The following KATNAL2 variants were observed in gnomAD, a reference collection of about 807,000 sequenced individuals.
KATNAL2 encodes katanin p60 ATPase-containing subunit A-like 2.
A neutral mutation model predicts 76.3 loss-of-function variants in KATNAL2; 52 were observed. The observed-to-expected ratio is 0.68, with a 90% confidence interval of 0.55 to 0.86. The LOEUF (loss-of-function observed/expected upper bound fraction) is 0.86. KATNAL2 is among the 40% of genes least tolerant of loss of function. The pLI is 0.00. For missense variants in KATNAL2, 660 were observed against 668.9 expected (o/e 0.99, Z 0.15); for synonymous variants, 243 against 244.2 (o/e 1.00, Z 0.05).
intron 1 of KATNAL2, among the ~76,000 whole-genome samples, chr18:46,918,795 T>C (rs2058306083): frequency 6.6e-6 from 1 of 152,148 alleles, no homozygotes; most frequent in Non-Finnish European, 1.5e-5. Flanking sequence ...TCTTTGTTCC[T>C]AACTCCTGTT....
chr18:47,034,739 C>A (rs144690057), intron 3 of KATNAL2: 1 of 1,612,928 alleles, frequency 6.2e-7, no homozygotes, highest in Admixed American at 1.7e-5. Context: ...CGGAGGGGAG[C>A]TGTGCGCGTT....
intron 3 of KATNAL2, chr18:47,035,363 G>T (rs1933990436): frequency 6.3e-7 from 1 of 1,580,270 alleles, no homozygotes; most frequent in East Asian, 2.3e-5. Context: ...TCGCTGCCCG[G>T]TCGCCAGGCA....
At chr18:47,068,249 A>G (rs1599742172) in intron 11 of KATNAL2, among the ~76,000 whole-genome samples, 1 of 152,158 alleles carries the variant, frequency 6.6e-6, no homozygotes, top group East Asian at 1.9e-4. Context: ...TGCTGTTAGG[A>G]TTATGAATTT....
chr18:46,920,118 C>G (rs779332840), intron 1 of KATNAL2: 2 of 1,288,448 alleles, frequency 1.6e-6, no homozygotes, highest in South Asian at 2.5e-5. Context: ...CAATGTGTAG[C>G]AGCTCCTGGA....
chr18:47,060,598 C>T, intron 8 of KATNAL2, among the ~76,000 whole-genome samples: 1 of 152,184 alleles, frequency 6.6e-6, no homozygotes, highest in Non-Finnish European at 1.5e-5. Flanking sequence ...TCATACTCTC[C>T]AAGGTTGTAG....
chr18:47,057,591 G>T (rs1569091018), intron 6 of KATNAL2, among the ~76,000 whole-genome samples: 1 of 152,110 alleles, frequency 6.6e-6, no homozygotes, highest in East Asian at 1.9e-4. Context: ...CTACTCTTCT[G>T]ACTTCCAGCC....
chr18:46,924,265 G>A (rs1237045303), intron 1 of KATNAL2, among the ~76,000 whole-genome samples: 1 of 152,100 alleles, frequency 6.6e-6, no homozygotes, highest in Non-Finnish European at 1.5e-5. Flanking sequence ...AGGTGTAAGG[G>A]AGGGATCCAG....
At chr18:47,094,619 T>C (rs1176569393) in intron 15 of KATNAL2, among the ~76,000 whole-genome samples, 2 of 152,318 alleles carry the variant, frequency 1.3e-5, no homozygotes, top group South Asian at 2.1e-4. Context: ...GCTCCATGTA[T>C]TGAGATTTGA....
Position 47,034,453 on chromosome 18 carries a change from G to A in KATNAL2, c.52-12004G>A, listed in dbSNP as rs777273636. 60 of 1,614,064 alleles carry A rather than the reference G, an allele frequency of 3.7e-5. 1 individual carries two copies. The highest frequency in any genetic ancestry group is 1.6e-4 in the Middle Eastern group (1 of 6,084). ...GAAGTCCGAAGGCTGCCTGTCCCTG[G>A]CACTTGCCCAGGAGGGCATCCTTGG... is the stretch of plus-strand genomic sequence containing the variant. On this transcript the variant is annotated intron_variant, in intron 3 of 17. Transcript: ENST00000683218.
chr18:46,929,721 A>G (rs1213309527), intron 1 of KATNAL2, among the ~76,000 whole-genome samples: 1 of 152,314 alleles, frequency 6.6e-6, no homozygotes, highest in East Asian at 1.9e-4. Flanking sequence ...CTCTAAAATA[A>G]ATATTTAAGA....
At chr18:47,074,507 G>A (rs2062122527) in intron 13 of KATNAL2, among the ~76,000 whole-genome samples, 1 of 152,118 alleles carries the variant, frequency 6.6e-6, no homozygotes, top group African/African-American at 2.4e-5. Flanking sequence ...GATTGTATAT[G>A]ATGCTCAAGA....
At chr18:47,086,434 A>G (rs1033093994) in intron 15 of KATNAL2, among the ~76,000 whole-genome samples, 5 of 151,616 alleles carry the variant, frequency 3.3e-5, no homozygotes, top group Admixed American at 1.3e-4. Flanking sequence ...CTCTTCCTCA[A>G]CCTCCCAAGT....
intron 1 of KATNAL2, among the ~76,000 whole-genome samples, chr18:46,922,895 TTAATA>T (rs1435779018): frequency 6.7e-5 from 10 of 148,172 alleles, no homozygotes; most frequent in East Asian, 5.8e-4. Flanking sequence ...TAATATCATA[TTAATA>T]TAATATATAT....
At chr18:47,090,078 G>A (rs559679646) in intron 15 of KATNAL2, among the ~76,000 whole-genome samples, 2 of 151,718 alleles carry the variant, frequency 1.3e-5, no homozygotes, top group Admixed American at 6.6e-5. Context: ...GATTACAGGC[G>A]TAAGCCACCA....
chr18:47,096,532 G>A, intron 15 of KATNAL2, among the ~76,000 whole-genome samples: 1 of 151,974 alleles, frequency 6.6e-6, no homozygotes, highest in East Asian at 1.9e-4. Flanking sequence ...CAGAGACGGG[G>A]TCTCACTATG....
intron 10 of KATNAL2, among the ~76,000 whole-genome samples, chr18:47,066,721 G>A (rs901556256): frequency 4.0e-5 from 6 of 151,026 alleles, no homozygotes; most frequent in Non-Finnish European, 5.9e-5. Flanking sequence ...CTGTTGTTAG[G>A]AGATTTTTTT....
At chr18:47,086,389 TCA>T (rs1315870138) in intron 15 of KATNAL2, among the ~76,000 whole-genome samples, 20 of 152,280 alleles carry the variant, frequency 1.3e-4, no homozygotes, top group African/African-American at 4.8e-4. Flanking sequence ...CGATCTCGGC[TCA>T]CCACAACCTC....
intron 1 of KATNAL2, among the ~76,000 whole-genome samples, chr18:46,945,564 C>T (rs1441143712): frequency 6.6e-6 from 1 of 152,142 alleles, no homozygotes. Context: ...AGGGTGGAAG[C>T]AAGGCATAGT....
chr18:46,924,594 T>A (rs1336787015), intron 1 of KATNAL2, among the ~76,000 whole-genome samples: 2 of 152,196 alleles, frequency 1.3e-5, no homozygotes, highest in South Asian at 2.1e-4. Flanking sequence ...TTAAAGTAGT[T>A]TTTTTCTAAT....
Sources: gnomAD v4.1 joint callset for allele counts (sites outside exome capture counted in the v4.1 genomes callset) on GRCh38, gnomAD v4.1.1 for gene constraint, MANE v1.5 for transcripts, NCBI Gene and HGNC (gene_info 2026-07-23, HGNC 2026-07-21) for gene names.